The following MTMR3 variants were observed in gnomAD, a reference collection of about 807,000 sequenced individuals.
MTMR3 encodes the protein myotubularin related protein 3.
Under a neutral mutation model 132.4 loss-of-function variants are expected in MTMR3, and 32 were observed. That is an observed-to-expected ratio of 0.24 (90% confidence interval 0.18 to 0.32). The LOEUF is 0.32. MTMR3 is among the 10% of genes least tolerant of loss of function. MTMR3 has a pLI of 1.00. For synonymous variants in MTMR3, 556 were observed against 550.3 expected (o/e 1.01, Z -0.14); for missense variants, 1,216 against 1,489.6 (o/e 0.82, Z 3.02).
chr22:30,024,483 TTTTTC>T (rs1345473448), intron 19 of MTMR3: 3 of 152,192 alleles, frequency 2.0e-5, no homozygotes, highest in African/African-American at 7.2e-5. Flanking sequence ...GAATTTTGTG[TTTTTC>T]TTTTCTGTCT....
At chr22:30,022,247 C>A in intron 18 of MTMR3, 108 bp downstream of exon 18, 1 of 835,312 alleles carries the variant, frequency 1.2e-6, no homozygotes, top group Non-Finnish European at 1.9e-6. Flanking sequence ...CCTCCCAGCA[C>A]AGCTAGCCCT....
chr22:29,994,427 C>T (rs1288095082), intron 7 of MTMR3: 1 of 149,800 alleles, frequency 6.7e-6, no homozygotes, highest in African/African-American at 2.5e-5. Flanking sequence ...CGAGGACATC[C>T]AGTCAACCTG....
intron 7 of MTMR3, chr22:29,994,959 A>C (rs1474037313): frequency 1.3e-5 from 2 of 152,258 alleles, no homozygotes; most frequent in East Asian, 3.9e-4. Context: ...GAAAGCTAAA[A>C]GCTTCTCTCC....
At chr22:29,915,825 A>G (rs1185882510) in intron 1 of MTMR3, among the ~76,000 whole-genome samples, 2 of 152,000 alleles carry the variant, frequency 1.3e-5, no homozygotes, top group Non-Finnish European at 2.9e-5. Flanking sequence ...TTTGTTTTCT[A>G]TTCATCCCGT....
In MTMR3 at chr22:30,025,861, C is replaced by T. The variant is rs568468616; in HGVS notation, c.*60C>T. On this transcript the variant is annotated 3_prime_UTR_variant, in exon 20 of 20. Transcript: ENST00000401950. ...CTGTTCCTATGACAGGCCCACTCAA[C>T]CTGGGCAGACCGAGAGGCCCGTGCA... 128 of 1,573,758 alleles carry T rather than the reference C, an allele frequency of 8.1e-5. No homozygotes were observed. The South Asian group carries it at 1.3e-3, about 16-fold the overall frequency.
At chr22:29,949,231 T>G (rs1297232956) in intron 1 of MTMR3, among the ~76,000 whole-genome samples, 1 of 139,202 alleles carries the variant, frequency 7.2e-6, no homozygotes, top group African/African-American at 2.7e-5. Flanking sequence ...CTCATGCCTG[T>G]AATCCCAGCA....
intron 5 of MTMR3, chr22:29,985,693 C>T (rs2066843702): frequency 6.6e-6 from 1 of 152,188 alleles, no homozygotes; most frequent in Non-Finnish European, 1.5e-5. Flanking sequence ...ATCTGCTGTT[C>T]TCCGTATCTG....
chr22:30,012,810 C>T (rs2067467402), intron 13 of MTMR3: 1 of 361,984 alleles, frequency 2.8e-6, no homozygotes, highest in South Asian at 9.8e-5. Context: ...TACAGTCTAT[C>T]TACTTGTAAA....
At chr22:29,898,097 T>C (rs1436646864) in intron 1 of MTMR3, among the ~76,000 whole-genome samples, 1 of 152,118 alleles carries the variant, frequency 6.6e-6, no homozygotes, top group Non-Finnish European at 1.5e-5. Flanking sequence ...AGCCTCAGCC[T>C]CTCGAGTAGC....
chr22:29,988,605 A>C, intron 6 of MTMR3, 43 bp downstream of exon 6: 6 of 1,454,792 alleles, frequency 4.1e-6, no homozygotes, highest in Non-Finnish European at 5.7e-6. Context: ...AGTGTGGAAA[A>C]TATTTTTTAA....
Position 29,991,553 on chromosome 22 carries a change from A to G in MTMR3, c.343A>G (p.Asn115Asp). The stretch of plus-strand genomic sequence containing the variant: ...GTGTCAAGAGTGGCTGAAGAGACTG[A>G]ACAACGCAATCCGACCACCTGCTAA... ...EQCQEWLKRL[N>D]NAIRPPAKIE... Residue 115 changes from asparagine to aspartate, a missense_variant, in exon 7 of 20, where the codon AAC (asparagine) becomes GAC (aspartate). Around this residue, in one of 7 missense-constraint regions of MTMR3, gnomAD observed 129 missense variants for 245.7 expected, o/e 0.53. Coordinates refer to ENST00000401950, the MANE Select transcript of MTMR3 (RefSeq NM_021090.4). 1 of 1,614,100 alleles carries G rather than the reference A, an allele frequency of 6.2e-7. No individual in the cohort carries two copies. The highest frequency in any genetic ancestry group is 8.5e-7 in the Non-Finnish European group (1 of 1,179,996).
chr22:30,028,593 G>A lies in MTMR3; in HGVS notation c.*2792G>A, dbSNP rs1396527853. 6.6e-6 allele frequency: 1 copy of A among 152,496 alleles called. No homozygotes were observed. Among genetic ancestry groups the A allele is most frequent in the Non-Finnish European group, 1.5e-5 (1 of 68,170 alleles). The allele number at this position is 152,496 out of a possible 1,614,324, so 9.4% of individuals were successfully genotyped here. A position where few individuals can be genotyped will look rare whatever the true frequency, so the allele number is the denominator to read the frequency against. On this transcript the variant is annotated 3_prime_UTR_variant, in exon 20 of 20. Transcript: ENST00000401950. Reference sequence around the variant, plus strand: ...CTCCCTCGGGAAGGTTGGTATTGAGGGGTGCCTTGCTCCAGAGGCGCCAGC... The same window carrying A: ...CTCCCTCGGGAAGGTTGGTATTGAGAGGTGCCTTGCTCCAGAGGCGCCAGC...
intron 2 of MTMR3, among the ~76,000 whole-genome samples, chr22:29,963,804 G>A (rs947925947): frequency 3.2e-4 from 49 of 151,124 alleles, no homozygotes; most frequent in African/African-American, 1.1e-3. Context: ...TCACGCCACT[G>A]CACACCAGTA....
At position 30,026,055 on chromosome 22, in the gene MTMR3, T is replaced by C. The variant is rs1400360748; in HGVS notation, c.*254T>C. 1 of 397,070 alleles carries C rather than the reference T, an allele frequency of 2.5e-6. No homozygotes were observed. The highest frequency in any genetic ancestry group is 4.5e-6 in the Non-Finnish European group (1 of 221,272). 24.6% of individuals were successfully genotyped at this position (397,070 alleles called of 1,614,324 possible). ...TTTCCCTTGGTTGTCTTAATTTTTT[T>C]TTTTTTTGATGGAAGACCAAGGGTT... On this transcript the variant is annotated 3_prime_UTR_variant, in exon 20 of 20. Transcript: ENST00000401950.
At chr22:29,973,888 C>A (rs113844402) in intron 3 of MTMR3, among the ~76,000 whole-genome samples, 4 of 151,928 alleles carry the variant, frequency 2.6e-5, no homozygotes, top group African/African-American at 9.7e-5. Flanking sequence ...CATGAGTCAC[C>A]GCACCCGGCC....
intron 12 of MTMR3, chr22:30,011,603 T>C (rs1254620724): frequency 1.3e-5 from 2 of 152,240 alleles, no homozygotes; most frequent in African/African-American, 4.8e-5. Context: ...CCTCAAGTGA[T>C]CCACCCACCT....
intron 1 of MTMR3, among the ~76,000 whole-genome samples, chr22:29,939,091 G>A (rs6006304): frequency 0.012 from 1,853 of 152,176 alleles, 31 homozygotes; most frequent in African/African-American, 0.042. Context: ...CAAAGTGCTG[G>A]GATTACAGAA....
At chr22:29,964,608 A>G (rs550727453) in intron 2 of MTMR3, among the ~76,000 whole-genome samples, 2 of 152,240 alleles carry the variant, frequency 1.3e-5, no homozygotes, top group African/African-American at 4.8e-5. Context: ...CTAGGCCTCT[A>G]CCTAAACCTG....
chr22:29,903,134 AGAATCACTT>A (rs1278809210), intron 1 of MTMR3, among the ~76,000 whole-genome samples: 1 of 152,218 alleles, frequency 6.6e-6, no homozygotes, highest in Non-Finnish European at 1.5e-5. Context: ...GTGAGGCATG[AGAATCACTT>A]GAACCCAGGA....
Sources: allele counts gnomAD v4.1 joint callset (sites outside exome capture counted in the v4.1 genomes callset), GRCh38; gene constraint gnomAD v4.1.1; regional missense constraint gnomAD v4.1.1; transcripts MANE v1.5; gene names NCBI Gene and HGNC (gene_info 2026-07-23, HGNC 2026-07-21).